GABRA3: variants seen among roughly 807,000 people sequenced by gnomAD.
The protein encoded by GABRA3 is gamma-aminobutyric acid receptor subunit alpha-3.
In GABRA3, 10 loss-of-function variants were observed where a neutral mutation model predicts 30.1. The observed-to-expected ratio is 0.33, with a 90% CI of 0.20 to 0.56. The LOEUF (loss-of-function observed/expected upper bound fraction) is 0.56. Ranked by LOEUF, GABRA3 falls within the 20% of genes least tolerant of loss-of-function variation. The pLI is 0.89. For synonymous variants in GABRA3, 151 were observed against 146.8 expected (o/e 1.03, Z -0.21); for missense variants, 233 against 392.0 (o/e 0.59, Z 3.42).
intron 7 of GABRA3, among the ~76,000 whole-genome samples, chrX:152,199,445 C>T (rs1488765416): frequency 2.8e-5 from 3 of 108,302 alleles, no homozygotes; most frequent in Non-Finnish European, 5.7e-5. Context: ...CCAAAGATTA[C>T]AGCCACCACC....
chrX:152,272,997 T>C (rs76243167), intron 4 of GABRA3, among the ~76,000 whole-genome samples: 1 of 111,154 alleles, frequency 9.0e-6, no homozygotes, highest in South Asian at 3.8e-4. Flanking sequence ...TCTTGGGCAG[T>C]TCTTTATAGC....
intron 1 of GABRA3, among the ~76,000 whole-genome samples, chrX:152,422,804 T>C (rs1930408659): frequency 9.0e-6 from 1 of 110,964 alleles, no homozygotes; most frequent in South Asian, 3.8e-4. Context: ...TTATACAACA[T>C]GGTGACAATA....
At chrX:152,169,505 C>G (rs1442647033) in intron 9 of GABRA3, among the ~76,000 whole-genome samples, 2 of 111,804 alleles carry the variant, frequency 1.8e-5, no homozygotes, top group East Asian at 2.8e-4. Context: ...ATACAGAGAG[C>G]CTCACTGGGC....
chrX:152,324,066 T>A (rs1017500520), intron 3 of GABRA3, among the ~76,000 whole-genome samples: 1 of 112,274 alleles, frequency 8.9e-6, no homozygotes, highest in Non-Finnish European at 1.9e-5. Flanking sequence ...AATTAATGAT[T>A]TAATCCATCA....
At chrX:152,430,797 C>T (rs1184286609) in intron 1 of GABRA3, among the ~76,000 whole-genome samples, 1 of 110,874 alleles carries the variant, frequency 9.0e-6, no homozygotes, top group African/African-American at 3.3e-5. Context: ...CCAAAATATA[C>T]AGCATTTAGA....
intron 5 of GABRA3, among the ~76,000 whole-genome samples, chrX:152,230,347 C>T (rs1938043602): frequency 9.0e-6 from 1 of 111,469 alleles, no homozygotes. Context: ...GTGACATGTT[C>T]AGACTTTCCG....
intron 5 of GABRA3, among the ~76,000 whole-genome samples, chrX:152,242,436 C>T (rs899892489): frequency 8.9e-6 from 1 of 111,866 alleles, no homozygotes; most frequent in Admixed American, 9.5e-5. Flanking sequence ...ACCTAAAAAG[C>T]TTCTGCACAT....
Position 152,364,383 on chromosome X carries a change from A to G in GABRA3, c.140+48T>C, listed in dbSNP as rs771050884. Reference sequence around the variant, plus strand: ...AACATCAGAAGTTTTGGTCTGAGGCAAACATTTATCACAGTCTTCTTTCAT... The same window carrying G: ...AACATCAGAAGTTTTGGTCTGAGGCGAACATTTATCACAGTCTTCTTTCAT... On this transcript the variant is annotated intron_variant, in intron 2 of 9. Transcript: ENST00000370314. The G allele has an allele frequency of 8.6e-6, 10 of 1,161,085 alleles. No individual in the cohort carries two copies. The Admixed American group carries it at 1.5e-4, about 17-fold the overall frequency.
intron 4 of GABRA3, among the ~76,000 whole-genome samples, chrX:152,263,453 T>C (rs897748562): frequency 9.1e-6 from 1 of 109,703 alleles, no homozygotes. Flanking sequence ...ATCAGAGTCT[T>C]TTAATAGTAG....
rs1214150912 is a variant in GABRA3, at chrX:152,364,430, C to A, written c.140+1G>T. 1.7e-6 allele frequency: 2 copies of A among 1,206,608 alleles called. No homozygotes were observed. The highest frequency in any genetic ancestry group is 2.2e-6 in the Non-Finnish European group (2 of 892,936). ...TCATCCTAAGAGTTAGGGGTTCTTA[C>A]CCGCCAATGTCCTGCTTCACAAAGT... On this transcript the variant is annotated splice_donor_variant, in intron 2 of 9. Transcript: ENST00000370314. LOFTEE classifies it high-confidence loss of function.
chrX:152,193,765 G>A (rs1227378176), intron 8 of GABRA3, among the ~76,000 whole-genome samples: 1 of 112,255 alleles, frequency 8.9e-6, no homozygotes, highest in Non-Finnish European at 1.9e-5. Flanking sequence ...TTGGGAGGCT[G>A]AGGCGGGTGG....
intron 2 of GABRA3, among the ~76,000 whole-genome samples, chrX:152,354,927 G>A (rs1210346597): frequency 8.9e-6 from 1 of 111,890 alleles, no homozygotes; most frequent in Non-Finnish European, 1.9e-5. Flanking sequence ...ACATGTAAAT[G>A]GAAGGGTTTG....
chrX:152,212,451 C>T (rs893372686), intron 6 of GABRA3, among the ~76,000 whole-genome samples: 4 of 109,765 alleles, frequency 3.6e-5, no homozygotes, highest in African/African-American at 1.0e-4. Flanking sequence ...GGAATACGCA[C>T]GTGTGTACAT....
chrX:152,349,465 T>A (rs777757856), intron 2 of GABRA3, among the ~76,000 whole-genome samples: 1 of 108,042 alleles, frequency 9.3e-6, no homozygotes, highest in African/African-American at 3.4e-5. Flanking sequence ...ATATTAACTT[T>A]AAATGTAAAT....
At chrX:152,263,616 T>C (rs754550345) in intron 4 of GABRA3, among the ~76,000 whole-genome samples, 2 of 110,880 alleles carry the variant, frequency 1.8e-5, no homozygotes, top group East Asian at 2.9e-4. Flanking sequence ...CTAAGAGTTA[T>C]TGGCCTTAAA....
chrX:152,282,620 C>G (rs1382263234), intron 4 of GABRA3, among the ~76,000 whole-genome samples: 2 of 111,589 alleles, frequency 1.8e-5, no homozygotes, highest in Non-Finnish European at 3.8e-5. Flanking sequence ...CAAATTATAA[C>G]ATGAAACTTC....
chrX:152,237,558 T>C (rs1287352217), intron 5 of GABRA3, among the ~76,000 whole-genome samples: 1 of 104,371 alleles, frequency 9.6e-6, no homozygotes, highest in Non-Finnish European at 2.0e-5. Flanking sequence ...TTGATGGGGA[T>C]GGCATTGAAT....
chrX:152,327,879 C>T (rs1375739098), intron 3 of GABRA3, among the ~76,000 whole-genome samples: 3 of 111,031 alleles, frequency 2.7e-5, no homozygotes, highest in Admixed American at 9.6e-5. Context: ...GATAGAGACA[C>T]AAAAAACACT....
At chrX:152,321,293 C>T in intron 3 of GABRA3, among the ~76,000 whole-genome samples, 1 of 111,969 alleles carries the variant, frequency 8.9e-6, no homozygotes, top group East Asian at 2.8e-4. Context: ...TTCTGATTGT[C>T]CTAGTTCCAC....
Sources: allele counts gnomAD v4.1 joint callset (sites outside exome capture counted in the v4.1 genomes callset), GRCh38; gene constraint gnomAD v4.1.1; transcripts MANE v1.5; gene names NCBI Gene and HGNC (gene_info 2026-07-23, HGNC 2026-07-21).